PSPH: variants seen among roughly 807,000 people sequenced by gnomAD.
PSPH encodes the protein L-3-phosphoserine phosphatase.
PSPH carries 16 observed loss-of-function variants against 23.4 expected under a neutral mutation model. That is an observed-to-expected ratio of 0.68 (90% CI 0.46 to 1.04). The LOEUF (loss-of-function observed/expected upper bound fraction) is 1.04, where lower values mean the gene tolerates loss of function less well. Among genes scored for constraint, PSPH ranks in the 50% least tolerant of loss-of-function variants. The probability of loss-of-function intolerance (pLI) is 0.00; values close to 1 mark genes in which losing one functional copy is unlikely to be tolerated. For missense variants in PSPH, 223 were observed against 273.7 expected (o/e 0.81, Z 1.31); for synonymous variants, 68 against 99.7 (o/e 0.68, Z 1.89).
intron 3 of PSPH, among the ~76,000 whole-genome samples, chr7:56,027,012 C>A (rs1790281040): frequency 6.6e-6 from 1 of 151,678 alleles, no homozygotes; most frequent in South Asian, 2.1e-4. Context: ...TCGAGACCAG[C>A]CTGACCAACA....
At chr7:56,037,878 A>T (rs1224089665) in intron 1 of PSPH, among the ~76,000 whole-genome samples, 1 of 151,326 alleles carries the variant, frequency 6.6e-6, no homozygotes, top group Admixed American at 6.6e-5. Context: ...ATGCCCGGCT[A>T]ATTTTTGTAT....
intron 3 of PSPH, among the ~76,000 whole-genome samples, chr7:56,025,550 C>T (rs147000543): frequency 7.3e-4 from 111 of 151,974 alleles, no homozygotes; most frequent in African/African-American, 2.4e-3. Context: ...TGAGCAACTG[C>T]GCCTGGTGAC....
intron 1 of PSPH, among the ~76,000 whole-genome samples, chr7:56,041,409 C>T (rs55989928): frequency 1.3e-5 from 2 of 151,708 alleles, no homozygotes; most frequent in Non-Finnish European, 2.9e-5. Context: ...GATGGGGTTT[C>T]ACCATGTTGG....
At chr7:56,047,669 CTT>C (rs1197894960) in intron 1 of PSPH, among the ~76,000 whole-genome samples, 13 of 138,448 alleles carry the variant, frequency 9.4e-5, no homozygotes, top group Non-Finnish European at 3.2e-5. Context: ...GAATAACCTG[CTT>C]TTTTTTTTTT....
intron 1 of PSPH, among the ~76,000 whole-genome samples, chr7:56,042,956 T>A (rs1477577407): frequency 6.6e-6 from 1 of 152,082 alleles, no homozygotes; most frequent in African/African-American, 2.4e-5. Context: ...ACAAAAGGAA[T>A]TAAATGAAAT....
chr7:56,027,715 G>T (rs946672119), intron 3 of PSPH, among the ~76,000 whole-genome samples: 3 of 148,256 alleles, frequency 2.0e-5, no homozygotes, highest in South Asian at 2.1e-4. Context: ...GGCCAACCAG[G>T]TACTTGAACC....
Position 56,032,711 on chromosome 7 carries a change from G to A in PSPH, c.-145-657C>T, listed in dbSNP as rs149737621. 1.7e-3 allele frequency among the ~76,000 whole-genome samples: 261 copies of A among 152,148 alleles called. 5 individuals carry two copies. In the East Asian group the frequency reaches 0.042, roughly 24 times the overall value. ...CACACCTGTAATCCCAGCACTTCGGGAGGCCGAGGAGGGAGGACTGCTTGA... is the reference window on the plus strand; with the variant it reads ...CACACCTGTAATCCCAGCACTTCGGAAGGCCGAGGAGGGAGGACTGCTTGA... On this transcript the variant is annotated intron_variant, in intron 2 of 7. Transcript: ENST00000275605.
At chr7:56,013,192 C>CACACACACACACACAT (rs1054564693) in intron 7 of PSPH, among the ~76,000 whole-genome samples, 3 of 137,808 alleles carry the variant, frequency 2.2e-5, no homozygotes, top group Non-Finnish European at 4.7e-5. Flanking sequence ...CACACACACA[C>CACACACACACACACAT]ATATATATAG....
In PSPH at chr7:56,015,027, G is replaced by A; in HGVS notation, c.566C>T (p.Pro189Leu). 6.2e-7 allele frequency: 1 copy of A among 1,613,914 alleles called. No homozygotes were observed. The highest frequency in any genetic ancestry group is 8.5e-7 in the Non-Finnish European group (1 of 1,179,932). ...DGATDMEACP[P>L]ADAFIGFGGN... The stretch of plus-strand genomic sequence containing the variant: ...ATTAGCACCCTTAATACATACAGCA[G>A]GAGGACAGGCTTCCATATCTGTGGC... Residue 189 changes from proline to leucine, a missense_variant, in exon 7 of 8, where the codon CCT (proline) becomes CTT (leucine). Physicochemically the swap from Pro to Leu is moderately conservative, Grantham distance 98 (BLOSUM62 -3). Transcript: ENST00000275605.
In PSPH at chr7:56,039,389, TTAAG is replaced by T. The variant is rs370011210; in HGVS notation, c.-291-5287_-291-5284del. On this transcript the variant is annotated intron_variant, in intron 1 of 7. Coordinates refer to ENST00000275605, the MANE Select transcript of PSPH (RefSeq NM_004577.4). ...TCAATGATATTATAATAATTTTCCT[TTAAG>T]TAGGATGGTAGGTATACGGATGCTT... 3.3e-4 allele frequency among the ~76,000 whole-genome samples: 50 copies of T among 152,292 alleles called. No homozygotes were observed. The East Asian group carries it at 8.9e-3, about 27-fold the overall frequency.
intron 1 of PSPH, among the ~76,000 whole-genome samples, chr7:56,036,917 T>C (rs1004566349): frequency 1.3e-5 from 2 of 152,112 alleles, no homozygotes; most frequent in African/African-American, 4.8e-5. Flanking sequence ...CTCATGCCTG[T>C]AATCCCAGCA....
chr7:56,050,586 C>A (rs950596470), intron 1 of PSPH, among the ~76,000 whole-genome samples: 3 of 152,120 alleles, frequency 2.0e-5, no homozygotes, highest in Non-Finnish European at 4.4e-5. Context: ...GTCATTCTTA[C>A]AAAGAACATC....
Position 56,011,421 on chromosome 7 carries a change from C to G in PSPH, c.*341G>C. The G allele has an allele frequency of 6.0e-6, 1 of 166,774 alleles. No homozygotes were observed. The highest frequency in any genetic ancestry group is 1.3e-5 in the Non-Finnish European group (1 of 77,664). 10.3% of individuals were successfully genotyped at this position (166,774 alleles called of 1,614,324 possible). A position where few individuals can be genotyped will look rare whatever the true frequency, so the allele number is the denominator to read the frequency against. On this transcript the variant is annotated 3_prime_UTR_variant, in exon 8 of 8. Transcript: ENST00000275605. ...GCGGGTGCCTGTAGTCCCAGCTACT[C>G]GGGAGGCTGAGGCAGGAGAATGGCG...
chr7:56,017,235 G>A lies in PSPH; in HGVS notation c.420C>T (p.Asn140=), dbSNP rs146276460. 1.0e-4 allele frequency: 165 copies of A among 1,613,808 alleles called. No homozygotes were observed. The highest frequency in any genetic ancestry group is 2.2e-4 in the Admixed American group (13 of 59,980). The change falls in exon 6 of 8, where the codon AAC becomes AAT. Residue 140 remains asparagine, a splice_region_variant and synonymous_variant. Coordinates refer to ENST00000275605, the MANE Select transcript of PSPH (RefSeq NM_004577.4). ...VFANRLKFYF[N]GEYAGFDETQ... is the part of the protein sequence containing the mutation. ...AACATGTTACTGTTAACATCTTACC[G>A]TTAAAGTAGAATTTCAGCCTATTGG...
chr7:56,050,041 A>T (rs575520913), intron 1 of PSPH, among the ~76,000 whole-genome samples: 1 of 152,024 alleles, frequency 6.6e-6, no homozygotes, highest in Non-Finnish European at 1.5e-5. Context: ...TGGCCTCCTC[A>T]TAACATTTTT....
chr7:56,016,687 C>T (rs1371631665), intron 6 of PSPH, among the ~76,000 whole-genome samples: 2 of 152,022 alleles, frequency 1.3e-5, no homozygotes, highest in Non-Finnish European at 2.9e-5. Context: ...TCTCCTCCCT[C>T]AGCCTCCCAA....
At chr7:56,036,581 A>G (rs1286387148) in intron 1 of PSPH, among the ~76,000 whole-genome samples, 1 of 150,234 alleles carries the variant, frequency 6.7e-6, no homozygotes, top group Non-Finnish European at 1.5e-5. Flanking sequence ...GTGAGCCGTG[A>G]TCATGCCACT....
rs145572381 is a variant in PSPH at position 56,028,251 on chromosome 7, G to C, written c.-20+3678C>G. ...ATTTTTGGCTTTTTTTAGAGACAAG[G>C]TCTCACTCTGTTGCCCACACTGGAG... is the stretch of plus-strand genomic sequence containing the variant. On this transcript the variant is annotated intron_variant, in intron 3 of 7. Coordinates refer to ENST00000275605, the MANE Select transcript of PSPH (RefSeq NM_004577.4). Among the ~76,000 whole-genome samples, 48 of 152,156 alleles carry C rather than the reference G, an allele frequency of 3.2e-4. 2 individuals are homozygous for C. Among genetic ancestry groups the C allele is most frequent in the African/African-American group, 1.1e-3 (46 of 41,550 alleles).
intron 1 of PSPH, among the ~76,000 whole-genome samples, chr7:56,042,038 C>A (rs1168679510): frequency 6.6e-6 from 1 of 151,808 alleles, no homozygotes; most frequent in African/African-American, 2.4e-5. Flanking sequence ...GCCTGGCCAA[C>A]AGGGTGAAAC....
Sources: gnomAD v4.1 joint callset for allele counts (sites outside exome capture counted in the v4.1 genomes callset) on GRCh38, gnomAD v4.1.1 for gene constraint, MANE v1.5 for transcripts, NCBI Gene and HGNC (gene_info 2026-07-23, HGNC 2026-07-21) for gene names.